Variants in PCDHA3 observed in about 807,000 individuals in gnomAD.
PCDHA3 encodes protocadherin alpha-3.
PCDHA3 carries 41 observed loss-of-function variants against 62.2 expected under a neutral mutation model. The ratio of observed to expected loss-of-function variants is 0.66; its 90% confidence interval spans 0.51 to 0.86. The LOEUF (loss-of-function observed/expected upper bound fraction) is 0.86. PCDHA3 is among the 40% of genes least tolerant of loss of function. The pLI, the probability that PCDHA3 is intolerant of heterozygous loss-of-function variation, is 0.00. For synonymous variants in PCDHA3, 640 were observed against 555.4 expected, an observed-to-expected ratio of 1.15 and a Z score of -2.14; for missense variants, 1,304 against 1,241.2, an observed-to-expected ratio of 1.05 and a Z score of -0.76.
At position 140,801,402 on chromosome 5, in the gene PCDHA3, A is replaced by C. The variant is rs985372322; in HGVS notation, c.205A>C (p.Lys69Gln). 1 of 1,613,722 alleles carries C rather than the reference A, an allele frequency of 6.2e-7. No individual in the cohort carries two copies. The change falls in exon 1 of 4, where the codon AAA becomes CAA. Residue 69 changes from lysine (K) to glutamine (Q), a missense_variant. Physicochemically the swap from Lys to Gln is moderately conservative, Grantham distance 53. Coordinates refer to ENST00000522353, the MANE Select transcript of PCDHA3 (RefSeq NM_018906.3). ...LVPRLFRVASKRHGDLLEVNL... is the reference protein window; with the variant it reads ...LVPRLFRVASQRHGDLLEVNL... ...GCCGCGCCTGTTCCGGGTGGCGTCC[A>C]AAAGACACGGGGACCTTCTGGAGGT...
intron 1 of PCDHA3, chr5:140,968,218 A>C (rs1586280879): frequency 6.2e-7 from 1 of 1,614,012 alleles, no homozygotes. Flanking sequence ...ACAATTTGCC[A>C]GGTGTGTTGC....
At chr5:140,809,382 G>A (rs1554125176) in intron 1 of PCDHA3, 3 of 1,614,046 alleles carry the variant, frequency 1.9e-6, no homozygotes, top group East Asian at 4.5e-5. Context: ...GAGGGCGCGT[G>A]CGCTCCGGGC....
intron 1 of PCDHA3, among the ~76,000 whole-genome samples, chr5:140,957,750 TGTTCATTATATATGTTAAGTAAAAACTAA>T (rs1477515057): frequency 6.6e-6 from 1 of 152,128 alleles, no homozygotes; most frequent in African/African-American, 2.4e-5. Context: ...CATGAAAGGA[TGTTCATTATATATGTTAAGTAAAAACTAA>T]GTTCATCATA....
At chr5:140,955,043 T>C (rs1285355120) in intron 1 of PCDHA3, among the ~76,000 whole-genome samples, 1 of 152,176 alleles carries the variant, frequency 6.6e-6, no homozygotes, top group Non-Finnish European at 1.5e-5. Context: ...CTTTTCCTCA[T>C]TGCTTGTTTT....
chr5:140,967,415 C>T, intron 1 of PCDHA3: 1 of 1,613,142 alleles, frequency 6.2e-7, no homozygotes, highest in African/African-American at 1.3e-5. Flanking sequence ...GGGCCTAGAC[C>T]GGGAGCAGGC....
rs146736705 is a variant in PCDHA3 at position 140,829,807 on chromosome 5, T to C, written c.2394+26216T>C. 3.4e-3 allele frequency: 5,423 copies of C among 1,613,834 alleles called. 11 individuals are homozygous for C. Among genetic ancestry groups the C allele is most frequent in the Middle Eastern group, 4.6e-3 (28 of 6,054 alleles). ...CGCTGCTGGCGCCTCGGGTGGGTGG[T>C]ACTGGTGGTGCAGTGAGCGAGCTGG... On this transcript the variant is annotated intron_variant, in intron 1 of 3. Transcript: ENST00000522353.
chr5:140,968,868 A>G, intron 1 of PCDHA3: 6 of 1,614,140 alleles, frequency 3.7e-6, no homozygotes, highest in Non-Finnish European at 5.1e-6. Flanking sequence ...CCTCGGACAT[A>G]CTCTGAAATT....
chr5:140,857,392 C>T lies in PCDHA3; in HGVS notation c.2394+53801C>T, dbSNP rs142727326. ...TGTCTGTGGAGGTGGCCGACGTGAA[C>T]GACAACGCGCCTGCGTTCGCGCAGT... On this transcript the variant is annotated intron_variant, in intron 1 of 3. Coordinates refer to ENST00000522353, the MANE Select transcript of PCDHA3 (RefSeq NM_018906.3). 2.9e-5 allele frequency: 46 copies of T among 1,598,470 alleles called. 4 individuals are homozygous for T. Among genetic ancestry groups the T allele is most frequent in the Non-Finnish European group, 3.6e-5 (42 of 1,167,894 alleles).
chr5:140,882,510 A>G (rs1276139359), intron 1 of PCDHA3: 1 of 1,614,046 alleles, frequency 6.2e-7, no homozygotes, highest in East Asian at 2.2e-5. Context: ...AATCTGCAGA[A>G]TGGCATTTTG....
At position 140,896,169 on chromosome 5, in the gene PCDHA3, GT is replaced by G. The variant is rs1473218621; in HGVS notation, c.2395-82779del. Among the ~76,000 whole-genome samples, 40 of 152,274 alleles carry G rather than the reference GT, an allele frequency of 2.6e-4. 1 individual carries two copies. The East Asian group carries it at 5.2e-3, about 20-fold the overall frequency. ...TGATGGGCATTTAGGATTATTCTCT[GT>G]CTTTGCTATTGTGAATAGTGCCATG... is the stretch of plus-strand genomic sequence containing the variant. On this transcript the variant is annotated intron_variant, in intron 1 of 3. Transcript: ENST00000522353.
intron 1 of PCDHA3, chr5:140,871,023 C>T: frequency 6.2e-7 from 1 of 1,613,268 alleles, no homozygotes; most frequent in Non-Finnish European, 8.5e-7. Context: ...ACGAGGCAGA[C>T]TCGCCGCGCC....
intron 1 of PCDHA3, among the ~76,000 whole-genome samples, chr5:140,837,714 C>G (rs1488550571): frequency 1.3e-5 from 2 of 151,510 alleles, no homozygotes; most frequent in African/African-American, 2.4e-5. Flanking sequence ...CACTCCATCA[C>G]CCAGGCTGCT....
At chr5:140,979,386 A>C (rs1374804536) in intron 2 of PCDHA3, among the ~76,000 whole-genome samples, 1 of 152,142 alleles carries the variant, frequency 6.6e-6, no homozygotes, top group East Asian at 1.9e-4. Flanking sequence ...TGTGCAATGT[A>C]TACATACATG....
intron 1 of PCDHA3, among the ~76,000 whole-genome samples, chr5:140,909,076 G>A (rs556959550): frequency 3.3e-5 from 5 of 152,294 alleles, no homozygotes; most frequent in African/African-American, 7.2e-5. Context: ...TAAGCCCAGT[G>A]TGTTTGCTAC....
intron 1 of PCDHA3, among the ~76,000 whole-genome samples, chr5:140,930,807 A>G (rs2087132034): frequency 6.6e-6 from 1 of 152,206 alleles, no homozygotes; most frequent in Non-Finnish European, 1.5e-5. Flanking sequence ...AGCATATAAG[A>G]TATGCTTAGT....
chr5:140,839,045 G>A (rs914747083), intron 1 of PCDHA3, among the ~76,000 whole-genome samples: 2 of 151,914 alleles, frequency 1.3e-5, no homozygotes, highest in South Asian at 2.1e-4. Context: ...TCTTTTCAAC[G>A]TGAATAAGGA....
chr5:140,878,420 A>G (rs2057587520), intron 1 of PCDHA3, among the ~76,000 whole-genome samples: 1 of 152,236 alleles, frequency 6.6e-6, no homozygotes, highest in African/African-American at 2.4e-5. Flanking sequence ...TATTTCAAGT[A>G]GGAATAGATA....
chr5:140,806,478 T>G (rs1323964629), intron 1 of PCDHA3, among the ~76,000 whole-genome samples: 1 of 152,222 alleles, frequency 6.6e-6, no homozygotes, highest in East Asian at 1.9e-4. Context: ...CCTTGCACTT[T>G]CAGCCCTGAC....
intron 1 of PCDHA3, among the ~76,000 whole-genome samples, chr5:140,924,926 TAAAATAAAATAAAAA>T (rs1425116753): frequency 8.4e-6 from 1 of 119,430 alleles, no homozygotes; most frequent in Non-Finnish European, 1.8e-5. Flanking sequence ...TAAAATAAAA[TAAAATAAAATAAAAA>T]GTTAAAAAAA....
Sources: gnomAD v4.1 joint callset for allele counts (sites outside exome capture counted in the v4.1 genomes callset) on GRCh38, gnomAD v4.1.1 for gene constraint, MANE v1.5 for transcripts, NCBI Gene and HGNC (gene_info 2026-07-23, HGNC 2026-07-21) for gene names.